The following THEMIS variants were observed in gnomAD, a reference collection of about 807,000 sequenced individuals.
The protein encoded by THEMIS is protein THEMIS.
In THEMIS, 37 loss-of-function variants were observed where a neutral mutation model predicts 52.6. The observed-to-expected ratio is 0.70, with a 90% CI of 0.54 to 0.93. THEMIS has a LOEUF of 0.93. Among genes scored for constraint, THEMIS ranks in the 40% least tolerant of loss-of-function variants. THEMIS has a pLI of 0.00. For missense variants in THEMIS, 808 were observed against 763.1 expected (o/e 1.06, Z -0.69); for synonymous variants, 292 against 272.7 (o/e 1.07, Z -0.70).
intron 1 of THEMIS, among the ~76,000 whole-genome samples, chr6:127,882,179 A>C (rs1176695468): frequency 2.0e-5 from 3 of 151,822 alleles, no homozygotes; most frequent in Admixed American, 1.3e-4. Flanking sequence ...TAGAAACCAT[A>C]CTTCAAGTAC....
At chr6:127,821,462 A>G (rs1484593131) in intron 3 of THEMIS, among the ~76,000 whole-genome samples, 2 of 152,138 alleles carry the variant, frequency 1.3e-5, no homozygotes, top group Non-Finnish European at 2.9e-5. Context: ...TAGACTTCCC[A>G]GAATTTCTTT....
intron 4 of THEMIS, chr6:127,807,471 A>C (rs576783768): frequency 1.0e-5 from 2 of 192,292 alleles, no homozygotes; most frequent in Non-Finnish European, 2.2e-5. Flanking sequence ...TTTTTAAAGG[A>C]AGTTCAAAAG....
rs1279357890 is a variant in THEMIS at position 127,874,736 on chromosome 6, T to C, written c.92-19548A>G. ...TTTGAAAGGAGTTAAGAAGAAGGTA[T>C]GGCTATAAAAAAGCAACATGGGTGA... is the stretch of plus-strand genomic sequence containing the variant. On this transcript the variant is annotated intron_variant, in intron 1 of 5. Transcript: ENST00000368248. 5.3e-5 allele frequency among the ~76,000 whole-genome samples: 8 copies of C among 152,376 alleles called. No homozygotes were observed. In the East Asian group the frequency reaches 1.3e-3, roughly 26 times the overall value.
chr6:127,737,137 T>C (rs1015132380), intron 4 of THEMIS, among the ~76,000 whole-genome samples: 5 of 152,194 alleles, frequency 3.3e-5, no homozygotes, highest in Admixed American at 1.3e-4. Flanking sequence ...CTTCCCTGGC[T>C]CTTGGCAACT....
At chr6:127,814,013 A>T (rs1583307835) in intron 3 of THEMIS, 82 bp from the exon 4 acceptor site, 1 of 1,173,926 alleles carries the variant, frequency 8.5e-7, no homozygotes, top group Middle Eastern at 2.4e-4. Context: ...GCCATAAATA[A>T]ATTTCTTTTA....
chr6:127,730,017 C>T (rs770684576), intron 4 of THEMIS, among the ~76,000 whole-genome samples: 1 of 152,046 alleles, frequency 6.6e-6, no homozygotes, highest in African/African-American at 2.4e-5. Context: ...TGTCTGTAAT[C>T]CCTGCGCTTT....
intron 1 of THEMIS, among the ~76,000 whole-genome samples, chr6:127,890,691 AC>A (rs904905490): frequency 1.3e-5 from 2 of 152,080 alleles, no homozygotes; most frequent in Non-Finnish European, 2.9e-5. Context: ...TATTACATGT[AC>A]CCCATAAATA....
chr6:127,775,724 T>C (rs548857240), intron 4 of THEMIS, among the ~76,000 whole-genome samples: 1 of 152,218 alleles, frequency 6.6e-6, no homozygotes, highest in Middle Eastern at 3.4e-3. Flanking sequence ...ATAAATGAAA[T>C]GATACAGTAT....
intron 4 of THEMIS, among the ~76,000 whole-genome samples, chr6:127,732,046 T>G (rs1774827873): frequency 6.6e-6 from 1 of 150,426 alleles, no homozygotes; most frequent in South Asian, 2.1e-4. Flanking sequence ...TTAATTTTGG[T>G]GAATCTTAAA....
chr6:127,827,962 G>GT (rs1457420797), intron 3 of THEMIS, among the ~76,000 whole-genome samples: 1 of 151,804 alleles, frequency 6.6e-6, no homozygotes, highest in Non-Finnish European at 1.5e-5. Flanking sequence ...TGCCCTCTCC[G>GT]TTTTTTTCTC....
intron 2 of THEMIS, among the ~76,000 whole-genome samples, chr6:127,853,071 A>T (rs1160298431): frequency 6.6e-6 from 1 of 151,634 alleles, no homozygotes; most frequent in Admixed American, 6.6e-5. Flanking sequence ...AACTTACTAA[A>T]TATTTATTAT....
chr6:127,744,048 C>A (rs906907030), intron 4 of THEMIS, among the ~76,000 whole-genome samples: 1 of 152,018 alleles, frequency 6.6e-6, no homozygotes, highest in Non-Finnish European at 1.5e-5. Context: ...GTATCAGGTA[C>A]AAGGATCAGT....
At chr6:127,879,591 A>C (rs1780414977) in intron 1 of THEMIS, among the ~76,000 whole-genome samples, 1 of 149,230 alleles carries the variant, frequency 6.7e-6, no homozygotes, top group Non-Finnish European at 1.5e-5. Flanking sequence ...AAATGAGATT[A>C]GTTTCAGTGA....
At chr6:127,701,341 AC>A in the THEMIS span, among the ~76,000 whole-genome samples, 11 of 152,108 alleles carry the variant, frequency 7.2e-5, no homozygotes, top group African/African-American at 2.4e-4. Context: ...TTTTCAAAAA[AC>A]ATCCAAGCTG....
At chr6:127,786,298 G>T (rs921216334) in intron 4 of THEMIS, among the ~76,000 whole-genome samples, 2 of 152,082 alleles carry the variant, frequency 1.3e-5, no homozygotes, top group African/African-American at 4.8e-5. Context: ...GTTCCAAAAA[G>T]CTTCAGGGAA....
At chr6:127,742,149 C>T (rs536413974) in intron 4 of THEMIS, among the ~76,000 whole-genome samples, 148 of 151,352 alleles carry the variant, frequency 9.8e-4, no homozygotes, top group Non-Finnish European at 1.8e-3. Context: ...CCGTCTCTAT[C>T]AAAAAATGCA....
chr6:127,768,395 ACTT>A (rs1776268375), intron 4 of THEMIS, among the ~76,000 whole-genome samples: 1 of 152,128 alleles, frequency 6.6e-6, no homozygotes, highest in Non-Finnish European at 1.5e-5. Flanking sequence ...GTTCCTTCTG[ACTT>A]CAAAGTGTAA....
intron 1 of THEMIS, among the ~76,000 whole-genome samples, chr6:127,906,289 T>G (rs1057252741): frequency 1.3e-4 from 20 of 151,904 alleles, no homozygotes; most frequent in African/African-American, 4.3e-4. Flanking sequence ...GGTTATTTGT[T>G]TAATAATGAA....
chr6:127,759,692 C>T (rs185774363), intron 4 of THEMIS, among the ~76,000 whole-genome samples: 1 of 152,260 alleles, frequency 6.6e-6, no homozygotes, highest in African/African-American at 2.4e-5. Context: ...CATCCCTAGT[C>T]CAAGTCACCA....
Sources: gnomAD v4.1 joint callset for allele counts (sites outside exome capture counted in the v4.1 genomes callset) on GRCh38, gnomAD v4.1.1 for gene constraint, MANE v1.5 for transcripts, NCBI Gene and HGNC (gene_info 2026-07-23, HGNC 2026-07-21) for gene names.